The following PDE8B variants were observed in gnomAD, a reference collection of about 807,000 sequenced individuals.
PDE8B encodes phosphodiesterase 8B, also known as high affinity cAMP-specific and IBMX-insensitive 3',5'-cyclic phosphodiesterase 8B.
A neutral mutation model predicts 101.3 loss-of-function variants in PDE8B; 26 were observed. The observed-to-expected ratio is 0.26, with a 90% CI of 0.19 to 0.36. PDE8B has a LOEUF of 0.36. PDE8B is among the 10% of genes least tolerant of loss of function. The pLI is 1.00. For synonymous variants in PDE8B, 424 were observed against 429.3 expected, an observed-to-expected ratio of 0.99 and a Z score of 0.15; for missense variants, 810 against 1,163.1, an observed-to-expected ratio of 0.70 and a Z score of 4.42.
intron 21 of PDE8B, 42 bp downstream of exon 21, chr5:77,425,938 A>C (rs371308516): frequency 6.3e-7 from 1 of 1,583,800 alleles, no homozygotes; most frequent in Non-Finnish European, 8.7e-7. Context: ...AAATTGTTAT[A>C]CTTTACGAAT....
At chr5:77,127,906 G>T in the PDE8B span, among the ~76,000 whole-genome samples, 1 of 152,140 alleles carries the variant, frequency 6.6e-6, no homozygotes, top group African/African-American at 2.4e-5. Context: ...ATCTGTGAAG[G>T]CTTGGCGTTC....
the PDE8B span, chr5:77,143,783 C>T: frequency 6.6e-6 from 1 of 151,734 alleles, no homozygotes; most frequent in Non-Finnish European, 1.5e-5. Flanking sequence ...AGTCAGATGT[C>T]CCCAGCTTGA....
intron 1 of PDE8B, among the ~76,000 whole-genome samples, chr5:77,223,531 G>A (rs918435818): frequency 6.6e-6 from 1 of 151,598 alleles, no homozygotes; most frequent in Non-Finnish European, 1.5e-5. Flanking sequence ...GAAAAACGGA[G>A]GAAGAAAGTG....
the PDE8B span, among the ~76,000 whole-genome samples, chr5:77,180,117 C>G: frequency 2.0e-5 from 3 of 152,142 alleles, no homozygotes; most frequent in Non-Finnish European, 4.4e-5. Context: ...AAGAAAGGCT[C>G]CAGGTTTGGC....
At chr5:77,388,186 G>A (rs1426819068) in intron 10 of PDE8B, among the ~76,000 whole-genome samples, 1 of 152,076 alleles carries the variant, frequency 6.6e-6, no homozygotes, top group Non-Finnish European at 1.5e-5. Flanking sequence ...CAGCCTTTTT[G>A]CGCTGGTGTC....
At position 77,322,681 on chromosome 5, in the gene PDE8B, A is replaced by G. The variant is rs530204068; in HGVS notation, c.400-2858A>G. Among the ~76,000 whole-genome samples, 15 of 152,258 alleles carry G rather than the reference A, an allele frequency of 9.9e-5. No homozygotes were observed. The South Asian group carries it at 2.7e-3, about 27-fold the overall frequency. Reference sequence around the variant, plus strand: ...ACACGTCACTTTCTCAGCAGGACCTATTCTAACTGCCTACTTCCTTCTGCT... The same window carrying G: ...ACACGTCACTTTCTCAGCAGGACCTGTTCTAACTGCCTACTTCCTTCTGCT... On this transcript the variant is annotated intron_variant, in intron 2 of 21. Coordinates refer to ENST00000264917, the MANE Select transcript of PDE8B (RefSeq NM_003719.5).
intron 10 of PDE8B, among the ~76,000 whole-genome samples, chr5:77,364,464 A>G (rs1017607090): frequency 2.0e-5 from 3 of 152,154 alleles, no homozygotes; most frequent in African/African-American, 7.2e-5. Flanking sequence ...CTCTAGTGCC[A>G]TTGCTTGAAA....
chr5:77,270,081 G>A (rs531347334), intron 1 of PDE8B, among the ~76,000 whole-genome samples: 1 of 152,224 alleles, frequency 6.6e-6, no homozygotes, highest in East Asian at 1.9e-4. Context: ...CGTCTTAACA[G>A]TATTAATTCT....
In PDE8B at chr5:77,229,209, G is replaced by A. The variant is rs190906809; in HGVS notation, c.339+17945G>A. Among the ~76,000 whole-genome samples the A allele has an allele frequency of 2.4e-3, 369 of 152,300 alleles. 3 individuals carry two copies. Among genetic ancestry groups the A allele is most frequent in the South Asian group, 9.3e-3 (45 of 4,828 alleles). On this transcript the variant is annotated intron_variant, in intron 1 of 21. Transcript: ENST00000264917. ...AATTTTCTTTCTAGTTAAGCCATAT[G>A]TTCCTCTGGTAGGAGAGAGAATCAA... is the stretch of plus-strand genomic sequence containing the variant.
chr5:77,416,476 C>T (rs1304816667), intron 17 of PDE8B, among the ~76,000 whole-genome samples: 2 of 152,292 alleles, frequency 1.3e-5, no homozygotes, highest in East Asian at 3.9e-4. Context: ...GTGACCGTGG[C>T]CTCTCCTGAC....
the PDE8B span, among the ~76,000 whole-genome samples, chr5:77,107,268 G>T: frequency 6.6e-6 from 1 of 152,068 alleles, no homozygotes; most frequent in Non-Finnish European, 1.5e-5. Flanking sequence ...TCCTTGGTGT[G>T]TATGTGCCAC....
intron 1 of PDE8B, among the ~76,000 whole-genome samples, chr5:77,297,993 G>T (rs966990540): frequency 6.6e-6 from 1 of 152,148 alleles, no homozygotes; most frequent in Non-Finnish European, 1.5e-5. Flanking sequence ...CAGACTGTGG[G>T]CTTTTTGAAG....
At chr5:77,217,166 A>C (rs924149760) in intron 1 of PDE8B, among the ~76,000 whole-genome samples, 1 of 151,606 alleles carries the variant, frequency 6.6e-6, no homozygotes, top group African/African-American at 2.4e-5. Context: ...CTGCTGATAC[A>C]CTTTTTTTAT....
the PDE8B span, among the ~76,000 whole-genome samples, chr5:77,135,739 T>C: frequency 2.4e-4 from 37 of 152,042 alleles, no homozygotes; most frequent in South Asian, 6.2e-4. Flanking sequence ...CCTCCCAAAG[T>C]GTTGGGATTA....
chr5:77,364,960 G>A (rs1178530962), intron 10 of PDE8B, among the ~76,000 whole-genome samples: 1 of 152,138 alleles, frequency 6.6e-6, no homozygotes, highest in African/African-American at 2.4e-5. Flanking sequence ...CAGAGCTTTG[G>A]CCCACAAGTT....
the PDE8B span, chr5:77,180,427 G>C: frequency 4.1e-6 from 4 of 985,144 alleles, no homozygotes; most frequent in African/African-American, 7.0e-5. Flanking sequence ...CCACCAGGGC[G>C]CCCAGGAGCC....
chr5:77,416,377 C>G (rs1795565656), intron 17 of PDE8B, among the ~76,000 whole-genome samples: 1 of 152,192 alleles, frequency 6.6e-6, no homozygotes, highest in Non-Finnish European at 1.5e-5. Flanking sequence ...CCCGTGGGTT[C>G]TCACTGCTCA....
intron 10 of PDE8B, among the ~76,000 whole-genome samples, chr5:77,383,122 T>G (rs1787837852): frequency 6.6e-6 from 1 of 152,232 alleles, no homozygotes; most frequent in Non-Finnish European, 1.5e-5. Context: ...TTTTTGATGA[T>G]GGCCACTCTA....
the PDE8B span, among the ~76,000 whole-genome samples, chr5:77,202,141 A>G: frequency 2.0e-5 from 3 of 152,240 alleles, no homozygotes; most frequent in African/African-American, 7.2e-5. Context: ...GCTTCAAAAT[A>G]CAAATTTTGG....
Sources: gnomAD v4.1 joint callset for allele counts (sites outside exome capture counted in the v4.1 genomes callset) on GRCh38, gnomAD v4.1.1 for gene constraint, MANE v1.5 for transcripts, NCBI Gene and HGNC (gene_info 2026-07-23, HGNC 2026-07-21) for gene names.